The following TTLL8 variants were observed in gnomAD, a reference collection of about 807,000 sequenced individuals.
TTLL8 encodes protein monoglycylase TTLL8.
A neutral mutation model predicts 77.8 loss-of-function variants in TTLL8; 65 were observed. The observed-to-expected ratio is 0.84, with a 90% CI of 0.68 to 1.03. The LOEUF is 1.03. Ranked by LOEUF, TTLL8 falls within the 50% of genes least tolerant of loss-of-function variation. The pLI is 0.00. For synonymous variants in TTLL8, 402 were observed against 422.8 expected (o/e 0.95, Z 0.60); for missense variants, 910 against 1,004.5 (o/e 0.91, Z 1.27).
chr22:50,045,809 G>A (rs1387284579), intron 5 of TTLL8, 47 bp downstream of exon 7: 1 of 1,294,870 alleles, frequency 7.7e-7, no homozygotes, highest in East Asian at 5.4e-5. Flanking sequence ...CTTTCTAGAA[G>A]CCTCTCTGCT....
rs772836594 is a variant in TTLL8, at chr22:50,033,387, AG to A, written c.1097del (p.Pro366LeufsTer39). On this transcript the variant is annotated frameshift_variant, in exon 10 of 14. Coordinates refer to ENST00000266182, the Ensembl canonical transcript of TTLL8. LOFTEE classifies it high-confidence loss of function. ...CCACCCACTTGTTGTCCCTGGAAAG[AG>A]GGTGGTCTGCAGCTGCCAGCTCCAG... 1 of 1,365,330 alleles carries A rather than the reference AG, an allele frequency of 7.3e-7. No homozygotes were observed. Among genetic ancestry groups the A allele is most frequent in the Non-Finnish European group, 9.8e-7 (1 of 1,021,274 alleles). The allele number at this position is 1,365,330 out of a possible 1,614,324, so 84.6% of individuals were successfully genotyped here.
intron 6 of TTLL8, among the ~76,000 whole-genome samples, chr22:50,043,133 A>G (rs1029253916): frequency 6.7e-6 from 1 of 149,218 alleles, no homozygotes; most frequent in Admixed American, 6.6e-5. Context: ...TGGTGCCGAG[A>G]CGTCCTTCAG....
rs538684360 is a variant in TTLL8 at position 50,050,218 on chromosome 22, G to T, written c.81C>A (p.His27Gln). The change falls in exon 2 of 14, where the codon CAC (histidine) becomes CAA (glutamine). Residue 27 changes from histidine (H) to glutamine (Q), a missense_variant. By Grantham distance (24) the His-to-Gln change is conservative (BLOSUM62 0). This residue lies in a region of TTLL8 where 776 missense variants were observed against 926.1 expected (regional missense o/e 0.84). Transcript: ENST00000266182. ...GCAGAGCGGCCCGGACCACCGGGTA[G>T]TGTCCGTAGATAGAGAAAATCTTCT... 2.2e-6 allele frequency: 3 copies of T among 1,350,862 alleles called. No individual in the cohort carries two copies. The African/African-American group carries it at 4.4e-5, about 20-fold the overall frequency. 83.7% of individuals were successfully genotyped at this position (1,350,862 alleles called of 1,614,324 possible).
At chr22:50,021,005 G>A (rs2061194337) in intron 12 of TTLL8, among the ~76,000 whole-genome samples, 1 of 145,002 alleles carries the variant, frequency 6.9e-6, no homozygotes, top group Non-Finnish European at 1.5e-5. Context: ...CATCTGACGT[G>A]CACTCCTCCA....
At chr22:50,033,492 C>A (rs757168142) in intron 9 of TTLL8, 47 bp from the exon 11 acceptor site, 3 of 1,323,974 alleles carry the variant, frequency 2.3e-6, no homozygotes, top group Non-Finnish European at 1.0e-6. Context: ...CACTGTGCAG[C>A]GGGACCTGAG....
intron 8 of TTLL8, among the ~76,000 whole-genome samples, chr22:50,037,470 G>A (rs1295007301): frequency 6.6e-6 from 1 of 152,250 alleles, no homozygotes; most frequent in Non-Finnish European, 1.5e-5. Context: ...CTAGTGCTGG[G>A]ATTACAGGCG....
chr22:50,029,593 C>A (rs563528070), intron 12 of TTLL8, among the ~76,000 whole-genome samples: 10 of 152,148 alleles, frequency 6.6e-5, no homozygotes, highest in African/African-American at 1.9e-4. Context: ...TAGCCGGGCG[C>A]GGTGGCGGGC....
At chr22:50,039,143 T>A (rs1351032478) in intron 8 of TTLL8, among the ~76,000 whole-genome samples, 1 of 152,206 alleles carries the variant, frequency 6.6e-6, no homozygotes, top group East Asian at 1.9e-4. Context: ...TTTCAAGTTT[T>A]GATATCAGGC....
chr22:50,020,052 G>A (rs943394369), intron 12 of TTLL8, among the ~76,000 whole-genome samples: 8 of 152,156 alleles, frequency 5.3e-5, no homozygotes, highest in African/African-American at 1.9e-4. Flanking sequence ...ACTTTTCTTA[G>A]TAACTGATAA....
rs181266754 is a variant in TTLL8 at position 50,023,183 on chromosome 22, G to C, written c.2204-6621C>G. Among the ~76,000 whole-genome samples the C allele has an allele frequency of 2.9e-3, 434 of 152,190 alleles. 10 individuals carry two copies. Among genetic ancestry groups the C allele is most frequent in the Non-Finnish European group, 5.4e-4 (37 of 68,014 alleles). ...TTATTTGTAAAATATACTTATAAAAGTATCAAAAATCCATCAAATACCTAG... is the reference window on the plus strand; with the variant it reads ...TTATTTGTAAAATATACTTATAAAACTATCAAAAATCCATCAAATACCTAG... On this transcript the variant is annotated intron_variant, in intron 12 of 13. Coordinates refer to ENST00000266182, the Ensembl canonical transcript of TTLL8.
Position 50,018,631 on chromosome 22 carries a change from C to T in TTLL8, c.2204-2069G>A, listed in dbSNP as rs75258143. Among the ~76,000 whole-genome samples, 439 of 152,326 alleles carry T rather than the reference C, an allele frequency of 2.9e-3. 3 individuals are homozygous for T. The highest frequency in any genetic ancestry group is 9.1e-3 in the African/African-American group (377 of 41,566). Reference sequence around the variant, plus strand: ...ATCAAACTGAACACTCAAAAGCTGGCAGATAGAACTGACAGCTCCCCTTGG... The same window carrying T: ...ATCAAACTGAACACTCAAAAGCTGGTAGATAGAACTGACAGCTCCCCTTGG... On this transcript the variant is annotated intron_variant, in intron 12 of 13. Transcript: ENST00000266182.
intron 12 of TTLL8, among the ~76,000 whole-genome samples, chr22:50,019,779 GC>G (rs898943911): frequency 8.5e-5 from 13 of 152,224 alleles, no homozygotes; most frequent in African/African-American, 3.1e-4. Context: ...TGTTTGCTTT[GC>G]CACAGCTCTG....
intron 12 of TTLL8, among the ~76,000 whole-genome samples, chr22:50,026,523 C>T (rs2061230425): frequency 6.6e-6 from 1 of 152,190 alleles, no homozygotes; most frequent in African/African-American, 2.4e-5. Context: ...ACCGCCGCCA[C>T]CTCAGAGCGG....
intron 12 of TTLL8, chr22:50,027,595 A>T (rs557825027): frequency 1.0e-6 from 1 of 978,662 alleles, no homozygotes; most frequent in Admixed American, 6.2e-5. Context: ...AGGTGATCCC[A>T]GTCAAAGTCC....
intron 12 of TTLL8, among the ~76,000 whole-genome samples, chr22:50,025,516 G>C (rs1722922659): frequency 6.6e-6 from 1 of 152,148 alleles, no homozygotes; most frequent in South Asian, 2.1e-4. Context: ...GTGCGTGCCT[G>C]TAATCCCAGC....
chr22:50,041,360 A>T lies in TTLL8; in HGVS notation c.831-83T>A. Reference sequence around the variant, plus strand: ...GGGCCTGGGCACCCCGACACCCATAAGGCACCCCAAGATCCAGACAGACAC... The same window carrying T: ...GGGCCTGGGCACCCCGACACCCATATGGCACCCCAAGATCCAGACAGACAC... On this transcript the variant is annotated intron_variant, in intron 7 of 13. Coordinates refer to ENST00000266182, the Ensembl canonical transcript of TTLL8. The surrounding 1 kb of genome is among the most constrained non-coding windows in gnomAD (Gnocchi z 4.3). The T allele has an allele frequency of 1.5e-6, 1 of 650,476 alleles. No homozygotes were observed. Among genetic ancestry groups the T allele is most frequent in the Non-Finnish European group, 2.5e-6 (1 of 394,594 alleles). The allele number at this position is 650,476 out of a possible 1,614,324, so 40.3% of individuals were successfully genotyped here. A position where few individuals can be genotyped will look rare whatever the true frequency, so the allele number is the denominator to read the frequency against.
At chr22:50,022,334 C>A in intron 12 of TTLL8, among the ~76,000 whole-genome samples, 1 of 148,250 alleles carries the variant, frequency 6.7e-6, no homozygotes, top group Non-Finnish European at 1.5e-5. Context: ...GTGCACTCCT[C>A]CATCTGACAA....
chr22:50,027,702 G>C (rs1396698659), intron 12 of TTLL8: 1 of 985,310 alleles, frequency 1.0e-6, no homozygotes, highest in Non-Finnish European at 1.2e-6. Flanking sequence ...GTCGCCGCAG[G>C]CCTTTTGCAG....
At chr22:50,021,909 GATGATGTGT>G (rs1228009113) in intron 12 of TTLL8, among the ~76,000 whole-genome samples, 16 of 104,598 alleles carry the variant, frequency 1.5e-4, no homozygotes, top group South Asian at 9.5e-4. Flanking sequence ...TCCTCCATCT[GATGATGTGT>G]ACTCCTCCAC....
Sources: allele counts gnomAD v4.1 joint callset (sites outside exome capture counted in the v4.1 genomes callset), GRCh38; gene constraint gnomAD v4.1.1; regional missense constraint gnomAD v4.1.1; non-coding constraint Gnocchi (gnomAD v3.1); transcripts MANE v1.5; gene names NCBI Gene and HGNC (gene_info 2026-07-23, HGNC 2026-07-21).